CDH23: variants seen among roughly 807,000 people sequenced by gnomAD.
CDH23 encodes the protein cadherin related 23.
In CDH23, 189 loss-of-function variants were observed where a neutral mutation model predicts 317.1. The observed-to-expected ratio is 0.60, with a 90% CI of 0.53 to 0.67. The LOEUF (loss-of-function observed/expected upper bound fraction) is 0.67. CDH23 is among the 30% of genes least tolerant of loss of function. The pLI, the probability that CDH23 is intolerant of heterozygous loss-of-function variation, is 0.00. For synonymous variants in CDH23, 1,839 were observed against 1,876.8 expected (o/e 0.98, Z 0.52); for missense variants, 4,401 against 4,592.4 (o/e 0.96, Z 1.20).
chr10:71,706,854 G>A (rs761814656), intron 25 of CDH23, 43 bp from the exon 26 acceptor site: 62 of 1,550,900 alleles, frequency 4.0e-5, no homozygotes, highest in East Asian at 1.2e-4. Context: ...GGTCTTCTGC[G>A]GCAGAAGCCA....
rs957533846 is a variant in CDH23, at chr10:71,693,975, C to T, written c.2177-172C>T. 3.9e-5 allele frequency among the ~76,000 whole-genome samples: 6 copies of T among 152,184 alleles called. No individual in the cohort carries two copies. In the South Asian group the frequency reaches 1.2e-3, roughly 32 times the overall value. ...CAAGGCACAGGAGCTCTCCCGTCTCCCACTGTGAGCACCAGCTCAGGAACA... is the reference window on the plus strand; with the variant it reads ...CAAGGCACAGGAGCTCTCCCGTCTCTCACTGTGAGCACCAGCTCAGGAACA... On this transcript the variant is annotated intron_variant, in intron 20 of 69. Coordinates refer to ENST00000224721, the MANE Select transcript of CDH23 (RefSeq NM_022124.6).
At chr10:71,424,914 T>A (rs1039179563) in intron 1 of CDH23, among the ~76,000 whole-genome samples, 1 of 152,140 alleles carries the variant, frequency 6.6e-6, no homozygotes. Flanking sequence ...AGTCCCCGCA[T>A]GCCCAGTGGG....
intron 47 of CDH23, among the ~76,000 whole-genome samples, chr10:71,792,572 C>A (rs1052096317): frequency 3.3e-5 from 5 of 151,798 alleles, no homozygotes; most frequent in African/African-American, 9.7e-5. Context: ...CGCCTGTAAT[C>A]CCAGCAATTT....
chr10:71,466,334 A>ATG (rs1209072641), intron 3 of CDH23, among the ~76,000 whole-genome samples: 1 of 151,920 alleles, frequency 6.6e-6, no homozygotes, highest in Non-Finnish European at 1.5e-5. Context: ...ATGAGCATGC[A>ATG]TGTGTGTATG....
rs2132983622 is a variant in CDH23, at chr10:71,805,872, G to A, written c.7939G>A (p.Ala2647Thr). ...GGACAAGGATGAGGGCCTCAACGGG[G>A]CGGTGCGCTACAGCTTCCTGAAGAC... ...ATDKDEGLNGAVRYSFLKTAG... is the reference protein window; with the variant it reads ...ATDKDEGLNGTVRYSFLKTAG... Residue 2647 changes from alanine to threonine, a missense_variant, in exon 56 of 70, where the codon GCG becomes ACG. By Grantham distance (58) the Ala-to-Thr change is moderately conservative. This residue lies in a region of CDH23 where 1,144 missense variants were observed against 1,138.2 expected (regional missense o/e 1.01). Coordinates refer to ENST00000224721, the MANE Select transcript of CDH23 (RefSeq NM_022124.6). The A allele has an allele frequency of 3.7e-6, 6 of 1,613,852 alleles. No homozygotes were observed. Among genetic ancestry groups the A allele is most frequent in the Non-Finnish European group, 5.1e-6 (6 of 1,179,858 alleles).
chr10:71,694,371 T>C, intron 21 of CDH23, 112 bp downstream of exon 21: 3 of 813,518 alleles, frequency 3.7e-6, no homozygotes, highest in South Asian at 1.7e-5. Flanking sequence ...TTTGTGAGAA[T>C]GAGCAAGGGG....
intron 3 of CDH23, among the ~76,000 whole-genome samples, chr10:71,472,804 A>G (rs1274794356): frequency 6.6e-6 from 1 of 152,216 alleles, no homozygotes; most frequent in African/African-American, 2.4e-5. Flanking sequence ...GCTGAGTGGT[A>G]GACTCCAGTG....
At chr10:71,561,045 TTCTC>T (rs1177581813) in intron 6 of CDH23, among the ~76,000 whole-genome samples, 2 of 151,218 alleles carry the variant, frequency 1.3e-5, no homozygotes, top group African/African-American at 2.4e-5. Context: ...CGTCCTTCTT[TTCTC>T]TCTCTCTCCT....
chr10:71,759,966 T>C (rs1416160938), intron 38 of CDH23, among the ~76,000 whole-genome samples: 1 of 93,730 alleles, frequency 1.1e-5, no homozygotes, highest in African/African-American at 3.4e-5. Flanking sequence ...CACACACATA[T>C]ATATACACAC....
At chr10:71,586,418 G>A (rs1190043615) in intron 9 of CDH23, among the ~76,000 whole-genome samples, 1 of 152,098 alleles carries the variant, frequency 6.6e-6, no homozygotes, top group Non-Finnish European at 1.5e-5. Flanking sequence ...TCCACCTCTG[G>A]TACACAGAAT....
At chr10:71,415,084 C>G (rs1848482092) in intron 1 of CDH23, among the ~76,000 whole-genome samples, 1 of 151,716 alleles carries the variant, frequency 6.6e-6, no homozygotes, top group East Asian at 1.9e-4. Flanking sequence ...TAACTTGTAT[C>G]TTCTCTTTCA....
chr10:71,438,418 TGAC>T (rs898449873), intron 1 of CDH23, among the ~76,000 whole-genome samples: 2 of 151,052 alleles, frequency 1.3e-5, no homozygotes, highest in African/African-American at 4.9e-5. Context: ...ATTCTTCAAA[TGAC>T]TGTCTCATAC....
chr10:71,420,549 T>TGATGGTGATGGTGATG (rs1285573654), intron 1 of CDH23, among the ~76,000 whole-genome samples: 1 of 8,434 alleles, frequency 1.2e-4, no homozygotes, highest in Non-Finnish European at 2.4e-4. Context: ...ATGATGGTGA[T>TGATGGTGATGGTGATG]ATGATGATGG....
chr10:71,500,759 G>C (rs551639141), intron 3 of CDH23, among the ~76,000 whole-genome samples: 45 of 134,614 alleles, frequency 3.3e-4, no homozygotes, highest in Admixed American at 1.6e-3. Context: ...CTCTGAGCCT[G>C]TTTTCTTTTC....
At chr10:71,809,699 C>T in intron 60 of CDH23, 121 bp from the exon 61 acceptor site, 3 of 1,394,562 alleles carry the variant, frequency 2.2e-6, no homozygotes, top group Non-Finnish European at 2.9e-6. Flanking sequence ...CCCTGCTGTG[C>T]CCTGTGGGCA....
intron 1 of CDH23, among the ~76,000 whole-genome samples, chr10:71,407,330 C>T (rs903928405): frequency 2.0e-5 from 3 of 152,152 alleles, no homozygotes; most frequent in Non-Finnish European, 4.4e-5. Context: ...TATTACAGTC[C>T]TGACTTCCCC....
intron 14 of CDH23, among the ~76,000 whole-genome samples, chr10:71,666,772 G>A (rs911766376): frequency 2.0e-5 from 3 of 152,156 alleles, no homozygotes. Flanking sequence ...TGGGCTACCG[G>A]GTTCCTGCAG....
At chr10:71,534,961 T>C (rs878952345) in intron 6 of CDH23, among the ~76,000 whole-genome samples, 2 of 152,202 alleles carry the variant, frequency 1.3e-5, no homozygotes, top group Non-Finnish European at 2.9e-5. Context: ...GCCTGATGCC[T>C]GAAGAGCCCC....
At chr10:71,418,869 C>T (rs1848634903) in intron 1 of CDH23, among the ~76,000 whole-genome samples, 1 of 152,194 alleles carries the variant, frequency 6.6e-6, no homozygotes. Context: ...CTCTCTTAGT[C>T]TCAATCTCTT....
Sources: gnomAD v4.1 joint callset for allele counts (sites outside exome capture counted in the v4.1 genomes callset) on GRCh38, gnomAD v4.1.1 for gene constraint, gnomAD v4.1.1 regional missense constraint, MANE v1.5 for transcripts, NCBI Gene and HGNC (gene_info 2026-07-23, HGNC 2026-07-21) for gene names.